The following NOS2 variants were observed in gnomAD, a reference collection of about 807,000 sequenced individuals.
NOS2 encodes the protein nitric oxide synthase 2, also known as nitric oxide synthase, inducible.
Under a neutral mutation model 136.0 loss-of-function variants are expected in NOS2, and 96 were observed. That is an observed-to-expected ratio of 0.71 (90% CI 0.60 to 0.84). The LOEUF (loss-of-function observed/expected upper bound fraction) is 0.84. Ranked by LOEUF, NOS2 falls within the 40% of genes least tolerant of loss-of-function variation. The probability of loss-of-function intolerance (pLI) is 0.00; values close to 1 mark genes in which losing one functional copy is unlikely to be tolerated. For synonymous variants in NOS2, 539 were observed against 587.5 expected (o/e 0.92, Z 1.20); for missense variants, 1,237 against 1,496.9 (o/e 0.83, Z 2.87).
In NOS2 at chr17:27,757,082, A is replaced by T; in HGVS notation, c.*164T>A. On this transcript the variant is annotated 3_prime_UTR_variant, in exon 27 of 27. Transcript: ENST00000313735. ...TCAATCCAGGGTGCTACTTGTTAGGAGGTCAAGTAAAGGGCTTGATGGGGA... is the reference window on the plus strand; with the variant it reads ...TCAATCCAGGGTGCTACTTGTTAGGTGGTCAAGTAAAGGGCTTGATGGGGA... The T allele has an allele frequency of 1.7e-6, 1 of 572,928 alleles. No individual in the cohort carries two copies. Among genetic ancestry groups the T allele is most frequent in the East Asian group, 3.0e-5 (1 of 32,928 alleles). 35.5% of individuals were successfully genotyped at this position (572,928 alleles called of 1,614,324 possible).
rs753355040 is a variant in NOS2 at position 27,760,169 on chromosome 17, C to T, written c.3020G>A (p.Gly1007Glu). Reference sequence around the variant, plus strand: ...CCCAAACACCAAGGTCATGCGGCCTCCCCGCACTCCTGCAGGAGTCCCGGG... The same window carrying T: ...CCCAAACACCAAGGTCATGCGGCCTTCCCGCACTCCTGCAGGAGTCCCGGG... ...LHDSQHKGVRGGRMTLVFGCR... is the reference protein window; with the variant it reads ...LHDSQHKGVREGRMTLVFGCR... The change falls in exon 25 of 27, where the codon GGA becomes GAA. Residue 1007 changes from glycine to glutamate, a missense_variant. Transcript: ENST00000313735. 6.4e-6 allele frequency: 10 copies of T among 1,574,264 alleles called. No individual in the cohort carries two copies. Among genetic ancestry groups the T allele is most frequent in the Admixed American group, 3.8e-5 (2 of 53,156 alleles).
chr17:27,781,373 C>T (rs1908843970), intron 7 of NOS2, among the ~76,000 whole-genome samples, 196 bp from the exon 8 acceptor site: 1 of 152,212 alleles, frequency 6.6e-6, no homozygotes. Flanking sequence ...AGGGGGCCTT[C>T]CCATCCATCA....
In NOS2 at chr17:27,757,233, C is replaced by G. The variant is rs199920549; in HGVS notation, c.*13G>C. 7.4e-6 allele frequency: 12 copies of G among 1,610,982 alleles called. No individual in the cohort carries two copies. The African/African-American group carries it at 1.3e-4, about 18-fold the overall frequency. On this transcript the variant is annotated 3_prime_UTR_variant, in exon 27 of 27. Transcript: ENST00000313735. ...AGTTCTGTGCCGGCAGCTTTAACCCCTCCTGTAGGCCCTCAGAGCGCTGAC... is the reference window on the plus strand; with the variant it reads ...AGTTCTGTGCCGGCAGCTTTAACCCGTCCTGTAGGCCCTCAGAGCGCTGAC...
rs55929842 is a variant in NOS2 at position 27,760,180 on chromosome 17, TGCA to T, written c.3011-5_3011-3del. The T allele has an allele frequency of 2.9e-4, 450 of 1,558,654 alleles. No homozygotes were observed. The highest frequency in any genetic ancestry group is 1.1e-3 in the Admixed American group (55 of 51,012). Reference sequence around the variant, plus strand: ...AGGTCATGCGGCCTCCCCGCACTCCTGCAGGAGTCCCGGGCTGTTGTTACCATG... The same window carrying T: ...AGGTCATGCGGCCTCCCCGCACTCCTGGAGTCCCGGGCTGTTGTTACCATG... On this transcript the variant is annotated splice_region_variant and splice_polypyrimidine_tract_variant and intron_variant, in intron 24 of 26. Coordinates refer to ENST00000313735, the MANE Select transcript of NOS2 (RefSeq NM_000625.4).
rs56767383 is a variant in NOS2, at chr17:27,794,714, GCACACACA to G, written c.110+3978_110+3985del. ...TACACACATGCGTACACACACACGC[GCACACACA>G]CACACACACACACACACACACACAC... On this transcript the variant is annotated intron_variant, in intron 2 of 26. Transcript: ENST00000313735. 2.2e-4 allele frequency among the ~76,000 whole-genome samples: 32 copies of G among 145,610 alleles called. No individual in the cohort carries two copies. In the South Asian group the frequency reaches 2.9e-3, roughly 13 times the overall value.
Position 27,778,720 on chromosome 17 carries a change from C to T in NOS2, c.1251G>A (p.Glu417=). The change falls in exon 11 of 27, where the codon GAG becomes GAA. Residue 417 remains glutamate, a synonymous_variant. Coordinates refer to ENST00000313735, the MANE Select transcript of NOS2 (RefSeq NM_000625.4). ...AACTATGGAGCACAGCAATGTTGAT[C>T]TCAACGACAGCCTGGTCTTTCCAGA... ...ASLWKDQAVV[E]INIAVLHSFQ... 1 of 1,614,210 alleles carries T rather than the reference C, an allele frequency of 6.2e-7. No individual in the cohort carries two copies. The highest frequency in any genetic ancestry group is 8.5e-7 in the Non-Finnish European group (1 of 1,180,026).
At chr17:27,786,089 T>G (rs1290093471) in intron 5 of NOS2, among the ~76,000 whole-genome samples, 1 of 150,476 alleles carries the variant, frequency 6.6e-6, no homozygotes, top group Non-Finnish European at 1.5e-5. Flanking sequence ...TGTGTGAGGC[T>G]CTCCCCTAAT....
At chr17:27,793,680 C>A (rs1223135953) in intron 2 of NOS2, 1 of 395,864 alleles carries the variant, frequency 2.5e-6, no homozygotes, top group Non-Finnish European at 4.5e-6. Flanking sequence ...ACGCCGCGCC[C>A]AGCCCCTCGC....
intron 2 of NOS2, among the ~76,000 whole-genome samples, chr17:27,796,310 C>T (rs1386238909): frequency 2.0e-5 from 3 of 151,938 alleles, no homozygotes; most frequent in African/African-American, 7.3e-5. Flanking sequence ...ATTAACCAGG[C>T]GTGGTGGCAC....
At chr17:27,761,510 G>C (rs1908131227) in intron 22 of NOS2, among the ~76,000 whole-genome samples, 1 of 152,174 alleles carries the variant, frequency 6.6e-6, no homozygotes. Context: ...GGTCACTCAG[G>C]TCGTGGTGGA....
At chr17:27,794,046 A>G (rs934199769) in intron 2 of NOS2, among the ~76,000 whole-genome samples, 5 of 152,204 alleles carry the variant, frequency 3.3e-5, no homozygotes, top group Admixed American at 3.3e-4. Context: ...GGTGCTTTCT[A>G]GTTTACAGAG....
intron 23 of NOS2, 49 bp downstream of exon 23, chr17:27,761,095 T>C (rs201788659): frequency 2.8e-5 from 41 of 1,470,326 alleles, no homozygotes; most frequent in South Asian, 9.6e-5. Flanking sequence ...CTCCCGGAAC[T>C]CCCAGGGGTC....
intron 2 of NOS2, among the ~76,000 whole-genome samples, chr17:27,793,062 C>G (rs1015725280): frequency 6.6e-6 from 1 of 151,934 alleles, no homozygotes; most frequent in African/African-American, 2.4e-5. Context: ...AAGCCCTTGA[C>G]CAGCCGAGCC....
At chr17:27,759,134 C>T in intron 25 of NOS2, 59 bp from the exon 26 acceptor site, 1 of 1,330,778 alleles carries the variant, frequency 7.5e-7, no homozygotes, top group Non-Finnish European at 1.0e-6. Flanking sequence ...GGCTTGCAGG[C>T]AGGCCTGCTG....
Position 27,774,379 on chromosome 17 carries a change from G to T in NOS2, c.1354C>A (p.Arg452=), listed in dbSNP as rs137979503. Residue 452 remains arginine, a synonymous_variant, in exon 12 of 27, where the codon CGG becomes AGG. Transcript: ENST00000313735. ...SFMKYMQNEY[R]SRGGCPADWI... is the part of the protein sequence containing the mutation. The stretch of plus-strand genomic sequence containing the variant: ...TCTGCCGGGCAGCCCCCACGGGACC[G>T]GTATTCATTCTGCATGTACTTCATG... 1.3e-6 allele frequency: 2 copies of T among 1,581,620 alleles called. No homozygotes were observed. The highest frequency in any genetic ancestry group is 1.7e-6 in the Non-Finnish European group (2 of 1,163,846).
intron 7 of NOS2, 90 bp downstream of exon 7, chr17:27,781,925 A>T: frequency 9.4e-7 from 1 of 1,067,846 alleles, no homozygotes; most frequent in Non-Finnish European, 1.4e-6. Flanking sequence ...GGAGCTGGAG[A>T]TGCCTCCCCT....
In NOS2 at chr17:27,796,935, A is replaced by G. The variant is rs150365065; in HGVS notation, c.110+1765T>C. 3.5e-3 allele frequency among the ~76,000 whole-genome samples: 533 copies of G among 152,214 alleles called. 1 individual carries two copies. The highest frequency in any genetic ancestry group is 0.012 in the African/African-American group (513 of 41,510). On this transcript the variant is annotated intron_variant, in intron 2 of 26. Coordinates refer to ENST00000313735, the MANE Select transcript of NOS2 (RefSeq NM_000625.4). ...GCCTGGTTTCAAAGTCCTCTCCTCC[A>G]ATTCACCTACCACACCACAGCTAGA...
In NOS2 at chr17:27,763,973, A is replaced by T; in HGVS notation, c.2592+8T>A. 1 of 1,610,892 alleles carries T rather than the reference A, an allele frequency of 6.2e-7. No homozygotes were observed. The highest frequency in any genetic ancestry group is 8.5e-7 in the Non-Finnish European group (1 of 1,178,744). ...ATACCCCCACTGCCCACCAGCCCTG[A>T]TCTTCACCTGGCACAGGGCCTCCAG... is the stretch of plus-strand genomic sequence containing the variant. On this transcript the variant is annotated splice_region_variant and intron_variant, in intron 21 of 26. Transcript: ENST00000313735.
chr17:27,762,222 G>A (rs1908154850), intron 22 of NOS2, among the ~76,000 whole-genome samples: 1 of 152,104 alleles, frequency 6.6e-6, no homozygotes, highest in African/African-American at 2.4e-5. Flanking sequence ...TTATTTCTAT[G>A]CCTATCTCTC....
Sources: gnomAD v4.1 joint callset for allele counts (sites outside exome capture counted in the v4.1 genomes callset) on GRCh38, gnomAD v4.1.1 for gene constraint, MANE v1.5 for transcripts, NCBI Gene and HGNC (gene_info 2026-07-23, HGNC 2026-07-21) for gene names.